The following CSMD1 variants were observed in gnomAD, a reference collection of about 807,000 sequenced individuals.
CSMD1 encodes CUB and sushi domain-containing protein 1.
A neutral mutation model predicts 417.5 loss-of-function variants in CSMD1; 213 were observed. The ratio of observed to expected loss-of-function variants is 0.51; its 90% CI spans 0.46 to 0.57. The LOEUF (loss-of-function observed/expected upper bound fraction) is 0.57, where lower values mean the gene tolerates loss of function less well. Ranked by LOEUF, CSMD1 falls within the 20% of genes least tolerant of loss-of-function variation. The pLI is 0.00. For missense variants in CSMD1, 6,923 were observed against 4,529.7 expected (o/e 1.53, Z -15.17); for synonymous variants, 2,862 against 1,736.8 (o/e 1.65, Z -16.11).
chr8:3,338,187 T>A (rs539384236), intron 23 of CSMD1, among the ~76,000 whole-genome samples: 106 of 152,270 alleles, frequency 7.0e-4, no homozygotes, highest in Non-Finnish European at 1.1e-3. Flanking sequence ...GATATCTGAA[T>A]CCAGTTGTTG....
chr8:3,451,304 A>G (rs1815697363), intron 12 of CSMD1, among the ~76,000 whole-genome samples: 1 of 152,126 alleles, frequency 6.6e-6, no homozygotes, highest in Non-Finnish European at 1.5e-5. Flanking sequence ...TGCTGCACAG[A>G]AGCTCTTTAG....
At chr8:4,095,444 C>T (rs13340578) in intron 3 of CSMD1, among the ~76,000 whole-genome samples, 32,957 of 152,064 alleles carry the variant, frequency 0.22, 4,350 homozygotes, top group African/African-American at 0.36. Flanking sequence ...GTAGTTCTTT[C>T]TTGCAATTTG....
chr8:4,545,837 A>G (rs773602729), intron 2 of CSMD1, among the ~76,000 whole-genome samples: 86 of 152,224 alleles, frequency 5.6e-4, no homozygotes, highest in Non-Finnish European at 1.0e-3. Context: ...CACAGGAGAC[A>G]GTTTCTAGGA....
In CSMD1 at chr8:3,964,511, C is replaced by A. The variant is rs537518860; in HGVS notation, c.818+33392G>T. Among the ~76,000 whole-genome samples, 3 of 152,264 alleles carry A rather than the reference C, an allele frequency of 2.0e-5. No homozygotes were observed. In the South Asian group the frequency reaches 6.2e-4, roughly 32 times the overall value. ...TATTCTCTTTCTAGCCTGCCATACTCCAAGCTCTCATAGGAAGAAATGAGC... is the reference window on the plus strand; with the variant it reads ...TATTCTCTTTCTAGCCTGCCATACTACAAGCTCTCATAGGAAGAAATGAGC... On this transcript the variant is annotated intron_variant, in intron 5 of 69. Transcript: ENST00000635120.
chr8:4,474,311 A>G (rs190655942), intron 2 of CSMD1, among the ~76,000 whole-genome samples: 40 of 152,328 alleles, frequency 2.6e-4, no homozygotes, highest in Non-Finnish European at 4.7e-4. Context: ...TCCAAATAGA[A>G]AAAAAACATA....
intron 2 of CSMD1, among the ~76,000 whole-genome samples, chr8:4,468,183 C>A (rs905520470): frequency 6.6e-6 from 1 of 152,126 alleles, no homozygotes; most frequent in Non-Finnish European, 1.5e-5. Context: ...GCACTTGTCA[C>A]GCTGTGTAAG....
At chr8:4,702,949 G>T (rs1019701474) in intron 1 of CSMD1, among the ~76,000 whole-genome samples, 1 of 151,896 alleles carries the variant, frequency 6.6e-6, no homozygotes, top group Non-Finnish European at 1.5e-5. Context: ...TACCCTTAGG[G>T]TCTCAAAATA....
chr8:4,464,128 T>G (rs919017638), intron 2 of CSMD1, among the ~76,000 whole-genome samples: 3 of 149,260 alleles, frequency 2.0e-5, no homozygotes, highest in East Asian at 1.9e-4. Context: ...GAACCTTGAG[T>G]CGAAGGCTTA....
intron 48 of CSMD1, among the ~76,000 whole-genome samples, 197 bp from the exon 49 acceptor site, chr8:3,087,482 G>C (rs1338866754): frequency 3.3e-5 from 5 of 152,178 alleles, no homozygotes; most frequent in Non-Finnish European, 1.5e-5. Context: ...CTGAAGTTGA[G>C]ATGATCTGCA....
chr8:4,649,869 G>A (rs1200490628), intron 1 of CSMD1, among the ~76,000 whole-genome samples: 1 of 152,168 alleles, frequency 6.6e-6, no homozygotes, highest in East Asian at 1.9e-4. Context: ...AAGAGGTTTG[G>A]AATTTCAATA....
At chr8:4,300,414 C>G (rs540378666) in intron 3 of CSMD1, among the ~76,000 whole-genome samples, 1 of 152,164 alleles carries the variant, frequency 6.6e-6, no homozygotes, top group Admixed American at 6.5e-5. Context: ...CTTTTGTAAG[C>G]GATGATGCCA....
rs559941397 is a variant in CSMD1 at position 4,281,357 on chromosome 8, C to T, written c.415+138596G>A. 1.7e-3 allele frequency among the ~76,000 whole-genome samples: 255 copies of T among 152,284 alleles called. 1 individual carries two copies. Among genetic ancestry groups the T allele is most frequent in the Middle Eastern group, 3.4e-3 (1 of 294 alleles). ...CCAGGCCCACAGAGTAAGATGACGG[C>T]ATAAGGTCTTTGCATAAACCAGTGG... is the stretch of plus-strand genomic sequence containing the variant. On this transcript the variant is annotated intron_variant, in intron 3 of 69. Transcript: ENST00000635120.
At chr8:4,111,183 A>AT (rs1801835895) in intron 3 of CSMD1, among the ~76,000 whole-genome samples, 1 of 151,994 alleles carries the variant, frequency 6.6e-6, no homozygotes. Flanking sequence ...TGTTCCCAAT[A>AT]TTTTTGTTGA....
chr8:4,550,493 CTATCTT>C (rs1797822482), intron 2 of CSMD1, among the ~76,000 whole-genome samples: 1 of 152,058 alleles, frequency 6.6e-6, no homozygotes, highest in African/African-American at 2.4e-5. Context: ...AGCTTATTCT[CTATCTT>C]TAACTGTGCG....
intron 2 of CSMD1, among the ~76,000 whole-genome samples, chr8:4,483,670 C>A (rs770646905): frequency 2.6e-5 from 4 of 152,014 alleles, no homozygotes; most frequent in Non-Finnish European, 5.9e-5. Context: ...ATATTTAATC[C>A]ATTTTTGTAA....
intron 17 of CSMD1, among the ~76,000 whole-genome samples, chr8:3,394,254 T>C (rs1034420739): frequency 6.8e-6 from 1 of 147,000 alleles, no homozygotes. Flanking sequence ...TATTATAGTA[T>C]AATATAATGT....
At chr8:3,764,320 T>A (rs1034844654) in intron 5 of CSMD1, among the ~76,000 whole-genome samples, 18 of 152,278 alleles carry the variant, frequency 1.2e-4, no homozygotes, top group African/African-American at 4.3e-4. Context: ...GAAACTCTCC[T>A]GAGTGTACTT....
intron 3 of CSMD1, among the ~76,000 whole-genome samples, chr8:4,401,910 C>A (rs1048424374): frequency 2.0e-5 from 3 of 151,960 alleles, no homozygotes; most frequent in East Asian, 1.9e-4. Context: ...CATGTAGATC[C>A]TCTTATTGAA....
At chr8:4,455,050 C>A (rs894960307) in intron 2 of CSMD1, among the ~76,000 whole-genome samples, 2 of 152,098 alleles carry the variant, frequency 1.3e-5, no homozygotes, top group African/African-American at 4.8e-5. Flanking sequence ...ACAATATCAC[C>A]ATGTTTAGGC....
Sources: allele counts gnomAD v4.1 joint callset (sites outside exome capture counted in the v4.1 genomes callset), GRCh38; gene constraint gnomAD v4.1.1; transcripts MANE v1.5; gene names NCBI Gene and HGNC (gene_info 2026-07-23, HGNC 2026-07-21).